The following LNPEP variants were observed in gnomAD, a reference collection of about 807,000 sequenced individuals.
LNPEP encodes the protein leucyl and cystinyl aminopeptidase, also known as leucyl-cystinyl aminopeptidase.
In LNPEP, 64 loss-of-function variants were observed where a neutral mutation model predicts 120.6. That is an observed-to-expected ratio of 0.53 (90% CI 0.43 to 0.65). LNPEP has a LOEUF of 0.65. Among genes scored for constraint, LNPEP ranks in the 30% least tolerant of loss-of-function variants. The pLI is 0.00. For synonymous variants in LNPEP, 435 were observed against 425.4 expected (o/e 1.02, Z -0.28); for missense variants, 1,057 against 1,200.0 (o/e 0.88, Z 1.76).
intron 13 of LNPEP, among the ~76,000 whole-genome samples, chr5:97,021,418 CT>C (rs2112667356): frequency 6.6e-6 from 1 of 152,242 alleles, no homozygotes; most frequent in East Asian, 1.9e-4. Context: ...CTATTCTTCC[CT>C]GCAGGTCTCA....
chr5:96,954,229 A>G (rs1561429681), intron 1 of LNPEP, among the ~76,000 whole-genome samples: 1 of 152,226 alleles, frequency 6.6e-6, no homozygotes. Flanking sequence ...GTAAACATGT[A>G]CATCCTGAAA....
In LNPEP at chr5:97,024,073, C is replaced by T. The variant is rs137916568; in HGVS notation, c.2562-448C>T. Among the ~76,000 whole-genome samples, 795 of 152,246 alleles carry T rather than the reference C, an allele frequency of 5.2e-3. 6 individuals carry two copies. The highest frequency in any genetic ancestry group is 0.018 in the African/African-American group (761 of 41,534). On this transcript the variant is annotated intron_variant, in intron 14 of 17. Transcript: ENST00000231368. ...GAGTTGGGGTGGAGGATTTGGATAA[C>T]GTTTTGAGGTCTTTCCCAGCTCTGA... is the stretch of plus-strand genomic sequence containing the variant.
chr5:96,943,869 T>C (rs925920857), intron 1 of LNPEP, among the ~76,000 whole-genome samples: 2 of 152,246 alleles, frequency 1.3e-5, no homozygotes, highest in Non-Finnish European at 2.9e-5. Context: ...TTCAAAAATG[T>C]AGTCACTGAA....
intron 11 of LNPEP, among the ~76,000 whole-genome samples, chr5:97,009,298 C>T (rs1407144016): frequency 6.6e-6 from 1 of 152,040 alleles, no homozygotes; most frequent in South Asian, 2.1e-4. Flanking sequence ...TAATAACATT[C>T]TCTACTTCTC....
Position 97,029,107 on chromosome 5 carries a change from A to G in LNPEP, c.*574A>G, listed in dbSNP as rs2112678640. Reference sequence around the variant, plus strand: ...TTTATTTTTCTGAAAAAAAGTTTAAATAATGTCTGTAACTATTGTGTTTTT... The same window carrying G: ...TTTATTTTTCTGAAAAAAAGTTTAAGTAATGTCTGTAACTATTGTGTTTTT... On this transcript the variant is annotated 3_prime_UTR_variant, in exon 18 of 18. Coordinates refer to ENST00000231368, the MANE Select transcript of LNPEP (RefSeq NM_005575.3). 6.6e-6 allele frequency: 1 copy of G among 152,516 alleles called. No individual in the cohort carries two copies. Among genetic ancestry groups the G allele is most frequent in the South Asian group, 2.1e-4 (1 of 4,836 alleles). The allele number at this position is 152,516 out of a possible 1,614,324, so 9.4% of individuals were successfully genotyped here. A position where few individuals can be genotyped will look rare whatever the true frequency, so the allele number is the denominator to read the frequency against.
rs1790557267 is a variant in LNPEP at position 96,998,069 on chromosome 5, C to T, written c.1577C>T (p.Ser526Leu). The change falls in exon 8 of 18, where the codon TCA becomes TTA. Residue 526 changes from serine to leucine, a missense_variant. By Grantham distance (145) the Ser-to-Leu change is moderately radical (BLOSUM62 -2). Coordinates refer to ENST00000231368, the MANE Select transcript of LNPEP (RefSeq NM_005575.3). ...ACCATGAAGAAAGATTCCTTAAATT[C>T]ATCTCATCCAATATCATCATCTGTT... is the stretch of plus-strand genomic sequence containing the variant. ...FKTMKKDSLN[S>L]SHPISSSVQS... 1.9e-6 allele frequency: 3 copies of T among 1,577,450 alleles called. No individual in the cohort carries two copies. The highest frequency in any genetic ancestry group is 1.7e-6 in the Non-Finnish European group (2 of 1,151,886).
At chr5:97,013,292 C>A (rs1582027893) in intron 11 of LNPEP, among the ~76,000 whole-genome samples, 1 of 152,218 alleles carries the variant, frequency 6.6e-6, no homozygotes, top group East Asian at 1.9e-4. Context: ...AGCATTTTTT[C>A]TATGTGCATT....
chr5:97,022,129 G>A (rs540713090), intron 13 of LNPEP, among the ~76,000 whole-genome samples, 171 bp from the exon 14 acceptor site: 4 of 151,542 alleles, frequency 2.6e-5, no homozygotes, highest in Non-Finnish European at 4.4e-5. Flanking sequence ...TCGTTTCACC[G>A]TGTTGGCCAG....
chr5:96,969,238 G>A (rs1789802507), intron 1 of LNPEP, among the ~76,000 whole-genome samples: 1 of 150,120 alleles, frequency 6.7e-6, no homozygotes. Context: ...GTAGTTTTTT[G>A]CTTAAGAATG....
chr5:96,941,591 G>T (rs1789057544), intron 1 of LNPEP, among the ~76,000 whole-genome samples: 1 of 152,164 alleles, frequency 6.6e-6, no homozygotes, highest in Non-Finnish European at 1.5e-5. Flanking sequence ...TGGTGGTACA[G>T]TTCTTTTTAT....
rs1050037135 is a variant in LNPEP at position 97,030,271 on chromosome 5, A to G, written c.*1738A>G. 6.6e-6 allele frequency: 1 copy of G among 152,194 alleles called. No homozygotes were observed. Among genetic ancestry groups the G allele is most frequent in the Admixed American group, 6.5e-5 (1 of 15,290 alleles). 9.4% of individuals were successfully genotyped at this position (152,194 alleles called of 1,614,324 possible). On this transcript the variant is annotated 3_prime_UTR_variant, in exon 18 of 18. Coordinates refer to ENST00000231368, the MANE Select transcript of LNPEP (RefSeq NM_005575.3). ...ATTATATCCTGAGAATCACAGAATCATCTAAATATGTCTTATTCAACTGAA... is the reference window on the plus strand; with the variant it reads ...ATTATATCCTGAGAATCACAGAATCGTCTAAATATGTCTTATTCAACTGAA...
At chr5:96,969,663 AC>A (rs1433639614) in intron 1 of LNPEP, among the ~76,000 whole-genome samples, 2 of 151,570 alleles carry the variant, frequency 1.3e-5, no homozygotes, top group Non-Finnish European at 2.9e-5. Flanking sequence ...CGTCCACACT[AC>A]TTTCCTGCCC....
In LNPEP at chr5:97,013,706, T is replaced by A. The variant is rs369701846; in HGVS notation, c.2094T>A (p.Gly698=). ...TCAAAGTGAATATAAACATGAATGG[T>A]TATTATATTGTACACTATGCAGATG... ...LWVKVNINMN[G]YYIVHYADDD... is the part of the protein sequence containing the mutation. The change falls in exon 12 of 18, where the codon GGT becomes GGA. Residue 698 remains glycine (G), a synonymous_variant. Coordinates refer to ENST00000231368, the MANE Select transcript of LNPEP (RefSeq NM_005575.3). 9.3e-6 allele frequency: 15 copies of A among 1,604,718 alleles called. No individual in the cohort carries two copies. Among genetic ancestry groups the A allele is most frequent in the Non-Finnish European group, 1.3e-5 (15 of 1,174,872 alleles).
chr5:97,018,726 A>G (rs1791121123), intron 13 of LNPEP, among the ~76,000 whole-genome samples: 1 of 152,346 alleles, frequency 6.6e-6, no homozygotes, highest in East Asian at 1.9e-4. Context: ...GTTCAAATGT[A>G]TTACTGTCTA....
At chr5:96,951,276 G>T (rs1255374802) in intron 1 of LNPEP, among the ~76,000 whole-genome samples, 3 of 151,760 alleles carry the variant, frequency 2.0e-5, no homozygotes, top group Non-Finnish European at 4.4e-5. Context: ...GGGGGGCGCG[G>T]GGGACAGAGT....
At chr5:96,947,389 C>T (rs1490832821) in intron 1 of LNPEP, among the ~76,000 whole-genome samples, 1 of 151,778 alleles carries the variant, frequency 6.6e-6, no homozygotes, top group Non-Finnish European at 1.5e-5. Context: ...TTGATTTTTC[C>T]CTCAACAGGG....
intron 1 of LNPEP, among the ~76,000 whole-genome samples, chr5:96,960,194 T>G (rs1035809767): frequency 6.6e-6 from 1 of 152,246 alleles, no homozygotes; most frequent in Admixed American, 6.5e-5. Context: ...TGCCTTGGCC[T>G]CCCAAAGTGC....
chr5:97,003,976 G>T (rs1302506273), intron 9 of LNPEP, among the ~76,000 whole-genome samples: 2 of 151,710 alleles, frequency 1.3e-5, no homozygotes, highest in African/African-American at 4.8e-5. Flanking sequence ...TCTTGCCTTT[G>T]TGACTGTTCC....
chr5:96,998,842 T>C (rs1790579055), intron 8 of LNPEP, among the ~76,000 whole-genome samples: 1 of 152,168 alleles, frequency 6.6e-6, no homozygotes, highest in Non-Finnish European at 1.5e-5. Context: ...ACAGAATTTT[T>C]GCCTAGGATA....
Sources: allele counts gnomAD v4.1 joint callset (sites outside exome capture counted in the v4.1 genomes callset), GRCh38; gene constraint gnomAD v4.1.1; transcripts MANE v1.5; gene names NCBI Gene and HGNC (gene_info 2026-07-23, HGNC 2026-07-21).